Variants in ADCY8 observed in about 807,000 individuals in gnomAD.
ADCY8 encodes adenylate cyclase 8.
In ADCY8, 51 loss-of-function variants were observed where a neutral mutation model predicts 119.7. The ratio of observed to expected loss-of-function variants is 0.43; its 90% confidence interval spans 0.34 to 0.54. The LOEUF (loss-of-function observed/expected upper bound fraction) is 0.54, where lower values mean the gene tolerates loss of function less well. Among genes scored for constraint, ADCY8 ranks in the 20% least tolerant of loss-of-function variants. The pLI is 0.03. For synonymous variants in ADCY8, 665 were observed against 651.0 expected (o/e 1.02, Z -0.33); for missense variants, 1,383 against 1,598.8 (o/e 0.87, Z 2.30).
At chr8:130,834,842 G>A (rs1305917815) in intron 12 of ADCY8, among the ~76,000 whole-genome samples, 1 of 152,008 alleles carries the variant, frequency 6.6e-6, no homozygotes, top group Non-Finnish European at 1.5e-5. Flanking sequence ...GTGTATATAT[G>A]TGTGTATGTA....
At chr8:130,905,344 A>C (rs1819746543) in intron 6 of ADCY8, among the ~76,000 whole-genome samples, 1 of 152,112 alleles carries the variant, frequency 6.6e-6, no homozygotes, top group Non-Finnish European at 1.5e-5. Context: ...ACACTCCTCT[A>C]ATATAGCTCT....
intron 14 of ADCY8, among the ~76,000 whole-genome samples, chr8:130,807,987 A>AC: frequency 2.9e-5 from 1 of 33,994 alleles, no homozygotes; most frequent in South Asian, 7.2e-4. Context: ...CCGTCTCAAA[A>AC]AAAAAAAAAA....
intron 2 of ADCY8, among the ~76,000 whole-genome samples, chr8:130,963,861 G>C (rs1324240213): frequency 3.9e-5 from 6 of 152,152 alleles, no homozygotes; most frequent in Non-Finnish European, 8.8e-5. Flanking sequence ...GCAAGACAGA[G>C]ACCAAGTGTC....
intron 14 of ADCY8, among the ~76,000 whole-genome samples, chr8:130,810,927 G>A (rs926748458): frequency 6.6e-6 from 1 of 152,194 alleles, no homozygotes; most frequent in South Asian, 2.1e-4. Flanking sequence ...GTGCCTCACT[G>A]TTTCGGTGTC....
rs1318343266 is a variant in ADCY8 at position 130,903,979 on chromosome 8, G to T, written c.1704C>A (p.Gly568=). Residue 568 remains glycine (G), a synonymous_variant, in exon 7 of 18, where the codon GGC becomes GGA. Coordinates refer to ENST00000286355, the MANE Select transcript of ADCY8 (RefSeq NM_001115.3). ...GGAATTCATTCCTCTCTTTACCATG[G>T]CCCTCTTCCACGTTATAGTCACCGT... ...CLNGDYNVEE[G]HGKERNEFLR... 6.2e-7 allele frequency: 1 copy of T among 1,614,080 alleles called. No homozygotes were observed. Among genetic ancestry groups the T allele is most frequent in the South Asian group, 1.1e-5 (1 of 91,082 alleles).
At chr8:130,947,537 A>G (rs1301407633) in intron 3 of ADCY8, among the ~76,000 whole-genome samples, 1 of 152,232 alleles carries the variant, frequency 6.6e-6, no homozygotes, top group African/African-American at 2.4e-5. Context: ...GCTCCATTCA[A>G]TTGCATTTTG....
At chr8:131,026,975 T>C (rs113761373) in intron 1 of ADCY8, among the ~76,000 whole-genome samples, 2,020 of 152,270 alleles carry the variant, frequency 0.013, 27 homozygotes, top group Middle Eastern at 0.027. Context: ...AATGAAAAAA[T>C]TGCAGATCAA....
intron 9 of ADCY8, among the ~76,000 whole-genome samples, chr8:130,857,546 A>G (rs990767107): frequency 6.6e-6 from 1 of 152,150 alleles, no homozygotes; most frequent in African/African-American, 2.4e-5. Flanking sequence ...TACTTAGTCA[A>G]CATTCTCTGT....
chr8:130,821,787 A>T (rs1034230113), intron 12 of ADCY8, among the ~76,000 whole-genome samples: 2 of 152,194 alleles, frequency 1.3e-5, no homozygotes, highest in Non-Finnish European at 2.9e-5. Flanking sequence ...TGCTAAAAAA[A>T]CCTTCCCAGC....
intron 1 of ADCY8, among the ~76,000 whole-genome samples, chr8:131,033,049 A>G (rs1209008338): frequency 6.6e-6 from 1 of 152,212 alleles, no homozygotes; most frequent in African/African-American, 2.4e-5. Flanking sequence ...CAGAAGTGAT[A>G]AGTCAAGTGA....
In ADCY8 at chr8:130,797,309, C is replaced by A. The variant is rs919240688; in HGVS notation, c.3060+3117G>T. 3.9e-5 allele frequency among the ~76,000 whole-genome samples: 6 copies of A among 152,164 alleles called. No homozygotes were observed. In the South Asian group the frequency reaches 1.2e-3, roughly 32 times the overall value. ...AGGTAGCCCAAGACAATTCTTCTTTCATTGTAGCCCAAGGAAGCCAAAACA... is the reference window on the plus strand; with the variant it reads ...AGGTAGCCCAAGACAATTCTTCTTTAATTGTAGCCCAAGGAAGCCAAAACA... On this transcript the variant is annotated intron_variant, in intron 15 of 17. Coordinates refer to ENST00000286355, the MANE Select transcript of ADCY8 (RefSeq NM_001115.3).
At chr8:130,989,087 C>T (rs1822494197) in intron 2 of ADCY8, among the ~76,000 whole-genome samples, 3 of 152,182 alleles carry the variant, frequency 2.0e-5, no homozygotes. Flanking sequence ...TACAAGGTGT[C>T]TTCTTTCTTA....
chr8:130,813,969 T>C, intron 14 of ADCY8, 100 bp downstream of exon 14: 2 of 1,448,710 alleles, frequency 1.4e-6, no homozygotes, highest in Non-Finnish European at 1.9e-6. Context: ...TGCACTCACA[T>C]GATGACAGTG....
At chr8:130,974,920 A>G (rs1284124601) in intron 2 of ADCY8, among the ~76,000 whole-genome samples, 2 of 152,138 alleles carry the variant, frequency 1.3e-5, no homozygotes, top group Non-Finnish European at 2.9e-5. Flanking sequence ...GAAGGTGGCT[A>G]TTGTCCACAT....
chr8:130,919,007 G>A (rs1820215956), intron 5 of ADCY8, among the ~76,000 whole-genome samples: 1 of 152,200 alleles, frequency 6.6e-6, no homozygotes. Flanking sequence ...AGGTTGCAGT[G>A]AGCCGAGATC....
intron 15 of ADCY8, among the ~76,000 whole-genome samples, chr8:130,791,336 A>G (rs1025913130): frequency 6.6e-6 from 1 of 152,140 alleles, no homozygotes; most frequent in African/African-American, 2.4e-5. Flanking sequence ...GAGCCCTGAG[A>G]GTTCCTCCCC....
chr8:130,836,286 T>C lies in ADCY8; in HGVS notation c.2666A>G (p.His889Arg). Residue 889 changes from histidine to arginine, a missense_variant, in exon 12 of 18, where the codon CAC becomes CGC. His to Arg is a conservative substitution (Grantham distance 29). Transcript: ENST00000286355. The stretch of plus-strand genomic sequence containing the variant: ...GGTGGTGGGCACTTACTCTCCACTG[T>C]GGTTGAGGTTGTCATAACGCAGAAA... ...GLFLRYDNLN[H>R]SGEDFLGTKE... 1 of 1,612,466 alleles carries C rather than the reference T, an allele frequency of 6.2e-7. No homozygotes were observed. Among genetic ancestry groups the C allele is most frequent in the Non-Finnish European group, 8.5e-7 (1 of 1,179,172 alleles).
chr8:130,990,354 T>G (rs1822535707), intron 2 of ADCY8, 39 bp downstream of exon 2: 1 of 1,607,376 alleles, frequency 6.2e-7, no homozygotes. Context: ...AGAGACTGGC[T>G]AGGTGATAAC....
chr8:131,014,609 C>T (rs1461794714), intron 1 of ADCY8, among the ~76,000 whole-genome samples: 2 of 152,124 alleles, frequency 1.3e-5, no homozygotes, highest in African/African-American at 4.8e-5. Context: ...AAAGCCTCAC[C>T]ATAGTGCTTG....
Sources: allele counts gnomAD v4.1 joint callset (sites outside exome capture counted in the v4.1 genomes callset), GRCh38; gene constraint gnomAD v4.1.1; transcripts MANE v1.5; gene names NCBI Gene and HGNC (gene_info 2026-07-23, HGNC 2026-07-21).